The following CACNA2D3 variants were observed in gnomAD, a reference collection of about 807,000 sequenced individuals.
The protein encoded by CACNA2D3 is calcium voltage-gated channel auxiliary subunit alpha2delta 3.
A neutral mutation model predicts 160.6 loss-of-function variants in CACNA2D3; 60 were observed. That is an observed-to-expected ratio of 0.37 (90% CI 0.30 to 0.46). The LOEUF is 0.46. Ranked by LOEUF, CACNA2D3 falls within the 20% of genes least tolerant of loss-of-function variation. The pLI is 1.00. For missense variants in CACNA2D3, 1,205 were observed against 1,365.0 expected (o/e 0.88, Z 1.85); for synonymous variants, 558 against 492.9 (o/e 1.13, Z -1.75).
intron 35 of CACNA2D3, among the ~76,000 whole-genome samples, chr3:55,049,349 T>C (rs1405527050): frequency 3.5e-5 from 5 of 143,266 alleles, no homozygotes; most frequent in Non-Finnish European, 7.5e-5. Context: ...TCTGCCTTCA[T>C]TTCGTTATGT....
At chr3:54,726,984 A>G (rs1701289288) in intron 11 of CACNA2D3, among the ~76,000 whole-genome samples, 2 of 152,248 alleles carry the variant, frequency 1.3e-5, no homozygotes, top group Admixed American at 6.5e-5. Flanking sequence ...GGCAACCTAC[A>G]GAATGGGAGA....
intron 3 of CACNA2D3, among the ~76,000 whole-genome samples, chr3:54,323,794 G>C (rs903059822): frequency 3.3e-5 from 5 of 152,206 alleles, no homozygotes; most frequent in African/African-American, 1.2e-4. Flanking sequence ...GATAGGTCAG[G>C]AACAGAACAG....
intron 27 of CACNA2D3, among the ~76,000 whole-genome samples, chr3:54,955,532 A>T (rs1429770265): frequency 6.6e-6 from 1 of 152,198 alleles, no homozygotes; most frequent in Non-Finnish European, 1.5e-5. Context: ...CACTTAGGAT[A>T]AGAGGAGAAA....
At chr3:54,153,117 C>T (rs1052462943) in intron 2 of CACNA2D3, among the ~76,000 whole-genome samples, 1 of 152,168 alleles carries the variant, frequency 6.6e-6, no homozygotes, top group African/African-American at 2.4e-5. Context: ...GTGCAGGGCA[C>T]AGGGTATCAG....
chr3:55,073,387 C>CAGGAGAG, intron 35 of CACNA2D3, 58 bp from the exon 36 acceptor site: 1 of 1,333,224 alleles, frequency 7.5e-7, no homozygotes, highest in African/African-American at 1.4e-5. Flanking sequence ...AAGTCTTCCT[C>CAGGAGAG]ATGGCTCTTT....
intron 8 of CACNA2D3, among the ~76,000 whole-genome samples, 163 bp downstream of exon 8, chr3:54,570,267 C>T (rs1329758390): frequency 6.6e-6 from 1 of 152,114 alleles, no homozygotes; most frequent in Non-Finnish European, 1.5e-5. Flanking sequence ...CAGTGGAAGG[C>T]AGTGGAAGGG....
chr3:54,720,275 A>G (rs903670980), intron 11 of CACNA2D3, among the ~76,000 whole-genome samples: 6 of 151,840 alleles, frequency 4.0e-5, no homozygotes, highest in Non-Finnish European at 8.8e-5. Flanking sequence ...ACTTCCCTGT[A>G]GTTGTTTTAG....
intron 11 of CACNA2D3, among the ~76,000 whole-genome samples, chr3:54,740,148 C>T (rs955742396): frequency 1.1e-4 from 16 of 152,012 alleles, no homozygotes; most frequent in African/African-American, 3.1e-4. Context: ...CCACAGAACA[C>T]GTAGTCTCCG....
At chr3:54,795,833 A>C (rs1264818199) in intron 13 of CACNA2D3, among the ~76,000 whole-genome samples, 2 of 152,304 alleles carry the variant, frequency 1.3e-5, no homozygotes, top group East Asian at 3.9e-4. Context: ...ATTTGTTAAG[A>C]GTTACTCTAT....
rs569220782 is a variant in CACNA2D3 at position 54,716,582 on chromosome 3, G to C, written c.1168-36017G>C. Among the ~76,000 whole-genome samples the C allele has an allele frequency of 2.6e-5, 4 of 152,316 alleles. No individual in the cohort carries two copies. In the South Asian group the frequency reaches 8.3e-4, roughly 32 times the overall value. ...GTCAAATATACATTCATCTCTGGGT[G>C]GGTGGGGGAGGATTTCTGGTCTCCT... On this transcript the variant is annotated intron_variant, in intron 11 of 37. Transcript: ENST00000474759.
intron 2 of CACNA2D3, among the ~76,000 whole-genome samples, chr3:54,292,348 A>T (rs1703228368): frequency 6.6e-6 from 1 of 152,164 alleles, no homozygotes; most frequent in Non-Finnish European, 1.5e-5. Context: ...ATAGAAATTA[A>T]TTTTTTTGTG....
At chr3:54,770,152 T>C (rs1702293323) in intron 13 of CACNA2D3, among the ~76,000 whole-genome samples, 2 of 152,250 alleles carry the variant, frequency 1.3e-5, no homozygotes, top group South Asian at 4.1e-4. Context: ...ATCTCACTTT[T>C]ATTATTATTT....
At chr3:54,438,068 A>G (rs1700086651) in intron 4 of CACNA2D3, among the ~76,000 whole-genome samples, 1 of 152,162 alleles carries the variant, frequency 6.6e-6, no homozygotes. Flanking sequence ...AAAAAACTAA[A>G]GTTTCTCTGA....
rs200784167 is a variant in CACNA2D3 at position 55,048,008 on chromosome 3, A to G, written c.2988-25437A>G. On this transcript the variant is annotated intron_variant, in intron 35 of 37. Coordinates refer to ENST00000474759, the MANE Select transcript of CACNA2D3 (RefSeq NM_018398.3). Reference sequence around the variant, plus strand: ...GCTTAAGGAGATTTTGGGCTGAGACAATGGGGTTTTCTATATATACAATCA... The same window carrying G: ...GCTTAAGGAGATTTTGGGCTGAGACGATGGGGTTTTCTATATATACAATCA... Among the ~76,000 whole-genome samples, 289 of 147,424 alleles carry G rather than the reference A, an allele frequency of 2.0e-3. 1 individual carries two copies. Among genetic ancestry groups the G allele is most frequent in the African/African-American group, 6.7e-3 (257 of 38,472 alleles).
At chr3:54,996,828 A>T (rs1702868606) in intron 31 of CACNA2D3, among the ~76,000 whole-genome samples, 1 of 152,194 alleles carries the variant, frequency 6.6e-6, no homozygotes, top group Non-Finnish European at 1.5e-5. Context: ...TACACCATGG[A>T]ATACTATGCA....
intron 13 of CACNA2D3, among the ~76,000 whole-genome samples, chr3:54,814,802 A>G (rs1394178013): frequency 2.0e-5 from 3 of 152,172 alleles, no homozygotes; most frequent in Non-Finnish European, 4.4e-5. Context: ...TTCCTGCTCA[A>G]CAAAGATAAA....
At chr3:54,958,755 C>T (rs1383557261) in intron 27 of CACNA2D3, among the ~76,000 whole-genome samples, 1 of 152,134 alleles carries the variant, frequency 6.6e-6, no homozygotes, top group African/African-American at 2.4e-5. Context: ...CAGGTCATTG[C>T]CTGGGGATGT....
chr3:54,812,247 G>C (rs1703336964), intron 13 of CACNA2D3, among the ~76,000 whole-genome samples: 1 of 152,184 alleles, frequency 6.6e-6, no homozygotes, highest in East Asian at 1.9e-4. Flanking sequence ...GAGTCATTTA[G>C]CTAAGCTTGG....
intron 4 of CACNA2D3, among the ~76,000 whole-genome samples, chr3:54,393,688 A>G (rs1009064986): frequency 6.6e-6 from 1 of 152,244 alleles, no homozygotes; most frequent in Non-Finnish European, 1.5e-5. Flanking sequence ...CTAAAGAGGT[A>G]CATCAACTCG....
Sources: gnomAD v4.1 joint callset for allele counts (sites outside exome capture counted in the v4.1 genomes callset) on GRCh38, gnomAD v4.1.1 for gene constraint, MANE v1.5 for transcripts, NCBI Gene and HGNC (gene_info 2026-07-23, HGNC 2026-07-21) for gene names.